The following SSBP3 variants were observed in gnomAD, a reference collection of about 807,000 sequenced individuals.
SSBP3 encodes the protein single-stranded DNA-binding protein 3.
SSBP3 carries 5 observed loss-of-function variants against 69.6 expected under a neutral mutation model. The ratio of observed to expected loss-of-function variants is 0.07; its 90% confidence interval spans 0.04 to 0.15. The LOEUF (loss-of-function observed/expected upper bound fraction) is 0.15. Ranked by LOEUF, SSBP3 falls within the 10% of genes least tolerant of loss-of-function variation. The pLI, the probability that SSBP3 is intolerant of heterozygous loss-of-function variation, is 1.00. For synonymous variants in SSBP3, 196 were observed against 193.4 expected, an observed-to-expected ratio of 1.01 and a Z score of -0.11; for missense variants, 312 against 534.0, an observed-to-expected ratio of 0.58 and a Z score of 4.10.
upstream of SSBP3, among the ~76,000 whole-genome samples, chr1:54,406,972 C>T (rs1339420865): frequency 6.6e-6 from 1 of 152,106 alleles, no homozygotes; most frequent in East Asian, 1.9e-4. Flanking sequence ...GCCCCGCCCC[C>T]GGGCCTCCCT....
exon 1 of SSBP3, chr1:54,406,173 G>A (rs1649754724): frequency 4.0e-6 from 2 of 494,642 alleles, no homozygotes; most frequent in Non-Finnish European, 6.8e-6. Flanking sequence ...TCCCCCCCAG[G>A]CGCTGGCTCC....
chr1:54,387,786 C>T (rs142930342), intron 4 of SSBP3, among the ~76,000 whole-genome samples: 337 of 152,312 alleles, frequency 2.2e-3, no homozygotes, highest in African/African-American at 7.6e-3. Context: ...GATCGGCTCT[C>T]CACCATGACC....
chr1:54,269,183 C>G (rs973660164), intron 5 of SSBP3, among the ~76,000 whole-genome samples: 2 of 152,308 alleles, frequency 1.3e-5, no homozygotes, highest in Non-Finnish European at 2.9e-5. Context: ...GCCTACAACA[C>G]GTAAGCTGTC....
chr1:54,363,953 T>A (rs1646988968), intron 4 of SSBP3, among the ~76,000 whole-genome samples: 1 of 152,146 alleles, frequency 6.6e-6, no homozygotes, highest in Admixed American at 6.5e-5. Context: ...GCAGACCAGA[T>A]TCATGGCAAG....
chr1:54,340,773 G>C (rs1646593394), intron 4 of SSBP3, among the ~76,000 whole-genome samples: 2 of 152,196 alleles, frequency 1.3e-5, no homozygotes, highest in Non-Finnish European at 1.5e-5. Context: ...TGGACTCCAT[G>C]AACACCCAGG....
intron 4 of SSBP3, among the ~76,000 whole-genome samples, chr1:54,331,990 T>C (rs1313231248): frequency 1.3e-5 from 2 of 152,208 alleles, no homozygotes; most frequent in African/African-American, 4.8e-5. Flanking sequence ...GCCACAGACC[T>C]GTGCAGGGCT....
intron 7 of SSBP3, among the ~76,000 whole-genome samples, chr1:54,256,628 TCTC>T (rs1033610843): frequency 4.5e-4 from 68 of 152,096 alleles, no homozygotes; most frequent in African/African-American, 1.6e-3. Flanking sequence ...AACTCACAAA[TCTC>T]CTGCTCTGCT....
chr1:54,302,072 CT>C (rs1645812387), intron 4 of SSBP3, among the ~76,000 whole-genome samples: 1 of 152,242 alleles, frequency 6.6e-6, no homozygotes, highest in Non-Finnish European at 1.5e-5. Context: ...TACCCCCATT[CT>C]TTCCAGCCTG....
chr1:54,239,046 A>T, intron 14 of SSBP3, 83 bp downstream of exon 14: 1 of 1,205,042 alleles, frequency 8.3e-7, no homozygotes, highest in Non-Finnish European at 1.2e-6. Context: ...GAAATCAATT[A>T]AACTTGCTTT....
chr1:54,278,704 G>C (rs1328211788), intron 5 of SSBP3, among the ~76,000 whole-genome samples: 1 of 152,188 alleles, frequency 6.6e-6, no homozygotes, highest in African/African-American at 2.4e-5. Flanking sequence ...CCTAGGCCAG[G>C]GTCTGGCCAT....
At chr1:54,402,661 G>A (rs565925517) in intron 3 of SSBP3, among the ~76,000 whole-genome samples, 94 of 152,240 alleles carry the variant, frequency 6.2e-4, no homozygotes, top group African/African-American at 2.2e-3. Context: ...CATTGCAGTA[G>A]AGGGCCCTCT....
intron 4 of SSBP3, chr1:54,335,687 G>C (rs1569852748): frequency 6.6e-6 from 1 of 152,202 alleles, no homozygotes. Context: ...AAAGGCGCAA[G>C]GCTCATTTCT....
intron 5 of SSBP3, among the ~76,000 whole-genome samples, chr1:54,272,480 C>CT (rs71497593): frequency 1.4e-4 from 17 of 123,938 alleles, no homozygotes; most frequent in African/African-American, 2.5e-4. Flanking sequence ...GGAATTTGAC[C>CT]TTTTTTTTAA....
intron 4 of SSBP3, among the ~76,000 whole-genome samples, chr1:54,352,604 G>T (rs1015141409): frequency 5.3e-5 from 8 of 152,200 alleles, no homozygotes; most frequent in East Asian, 1.9e-4. Context: ...CAAGGCAAGG[G>T]GAGGGCGGGA....
At chr1:54,412,335 A>T (rs796973827) in intron 1 of SSBP3, among the ~76,000 whole-genome samples, 3 of 152,370 alleles carry the variant, frequency 2.0e-5, no homozygotes, top group African/African-American at 7.2e-5. Flanking sequence ...TCTCAAAAAA[A>T]TTTAAAAATA....
intron 4 of SSBP3, among the ~76,000 whole-genome samples, chr1:54,296,869 C>T (rs894042048): frequency 1.3e-5 from 2 of 152,142 alleles, no homozygotes; most frequent in African/African-American, 4.8e-5. Flanking sequence ...CCATCCCTGC[C>T]CCCAAAGCCT....
intron 4 of SSBP3, 81 bp from the exon 5 acceptor site, chr1:54,281,608 C>T (rs1645394005): frequency 2.3e-6 from 3 of 1,289,414 alleles, no homozygotes; most frequent in South Asian, 2.5e-5. Flanking sequence ...ACTTGGCTCT[C>T]CCTGTCCGTC....
intron 4 of SSBP3, among the ~76,000 whole-genome samples, chr1:54,349,668 TG>T (rs1323529893): frequency 4.7e-5 from 7 of 149,040 alleles, no homozygotes; most frequent in African/African-American, 1.8e-4. Context: ...AAATGATGGC[TG>T]GGGGTCACAA....
intron 15 of SSBP3, 49 bp downstream of exon 15, chr1:54,228,699 G>T (rs1048988122): frequency 2.6e-6 from 4 of 1,546,272 alleles, no homozygotes; most frequent in Non-Finnish European, 2.6e-6. Context: ...GAGGCACAGA[G>T]CTGGCTGCCC....
Sources: allele counts gnomAD v4.1 joint callset (sites outside exome capture counted in the v4.1 genomes callset), GRCh38; gene constraint gnomAD v4.1.1; transcripts MANE v1.5; gene names NCBI Gene and HGNC (gene_info 2026-07-23, HGNC 2026-07-21).